Variants in MPPED1 observed in about 807,000 individuals in gnomAD.
MPPED1 encodes the protein metallophosphoesterase domain containing 1.
Under a neutral mutation model 36.2 loss-of-function variants are expected in MPPED1, and 16 were observed. That is an observed-to-expected ratio of 0.44 (90% CI 0.30 to 0.67). The LOEUF is 0.67. Ranked by LOEUF, MPPED1 falls within the 30% of genes least tolerant of loss-of-function variation. The pLI, the probability that MPPED1 is intolerant of heterozygous loss-of-function variation, is 0.10. For synonymous variants in MPPED1, 199 were observed against 191.3 expected, an observed-to-expected ratio of 1.04 and a Z score of -0.33; for missense variants, 307 against 453.4, an observed-to-expected ratio of 0.68 and a Z score of 2.93.
intron 1 of MPPED1, among the ~76,000 whole-genome samples, chr22:43,422,419 CG>C (rs910319257): frequency 1.3e-5 from 2 of 152,084 alleles, no homozygotes; most frequent in African/African-American, 4.8e-5. Flanking sequence ...AAGAGGCCAC[CG>C]GGGGCCGGCC....
At chr22:43,429,224 G>T (rs1929589024) in intron 2 of MPPED1, among the ~76,000 whole-genome samples, 1 of 152,168 alleles carries the variant, frequency 6.6e-6, no homozygotes, top group Non-Finnish European at 1.5e-5. Context: ...TTTGGAAGGT[G>T]AGTGTGGGGA....
chr22:43,500,325 G>A (rs1569091931), intron 5 of MPPED1, among the ~76,000 whole-genome samples: 75 of 136,520 alleles, frequency 5.5e-4, no homozygotes, highest in African/African-American at 1.8e-3. Flanking sequence ...GGTGGTGATG[G>A]TGGTGGTGGA....
intron 2 of MPPED1, among the ~76,000 whole-genome samples, chr22:43,431,736 C>CCAGCACATAATGAGCTCTTGATG (rs1167360354): frequency 1.3e-5 from 2 of 152,216 alleles, no homozygotes; most frequent in African/African-American, 4.8e-5. Flanking sequence ...TGTAACGTGC[C>CCAGCACATAATGAGCTCTTGATG]CAGCACATAA....
chr22:43,463,121 C>A (rs1313532153), intron 3 of MPPED1, among the ~76,000 whole-genome samples: 1 of 151,606 alleles, frequency 6.6e-6, no homozygotes, highest in Admixed American at 6.6e-5. Flanking sequence ...GTTGGGATTT[C>A]TCATCCTTTA....
intron 3 of MPPED1, among the ~76,000 whole-genome samples, chr22:43,458,918 G>C (rs911966212): frequency 3.2e-4 from 48 of 152,290 alleles, no homozygotes; most frequent in African/African-American, 1.1e-3. Flanking sequence ...TGTGTGATGA[G>C]TGATTGTCTG....
intron 4 of MPPED1, among the ~76,000 whole-genome samples, chr22:43,480,019 C>T (rs559367318): frequency 1.5e-4 from 23 of 152,234 alleles, no homozygotes; most frequent in Non-Finnish European, 2.1e-4. Context: ...TGTACCACCA[C>T]GCCCGGCTGA....
intron 3 of MPPED1, among the ~76,000 whole-genome samples, chr22:43,450,314 G>A (rs1309591169): frequency 6.6e-6 from 1 of 152,236 alleles, no homozygotes; most frequent in Non-Finnish European, 1.5e-5. Flanking sequence ...CTGCTGGGCA[G>A]CCCTGAGAAG....
At chr22:43,417,038 G>GA (rs1232096906) in intron 1 of MPPED1, 1 of 984,010 alleles carries the variant, frequency 1.0e-6, no homozygotes, top group Non-Finnish European at 1.2e-6. Context: ...TTCATATTCC[G>GA]AAATAAAAGT....
In MPPED1 at chr22:43,501,276, G is replaced by A. The variant is rs183725351; in HGVS notation, c.749-1368G>A. ...CTGACAGTGAGGCTCAGCAGCAAAGGCATCTTGTTCTCTTCCTTCTCTTTT... is the reference window on the plus strand; with the variant it reads ...CTGACAGTGAGGCTCAGCAGCAAAGACATCTTGTTCTCTTCCTTCTCTTTT... On this transcript the variant is annotated intron_variant, in intron 5 of 6. Transcript: ENST00000443721. 3.3e-5 allele frequency among the ~76,000 whole-genome samples: 5 copies of A among 152,294 alleles called. No homozygotes were observed. In the East Asian group the frequency reaches 9.6e-4, roughly 29 times the overall value.
chr22:43,433,629 G>A (rs917992796), intron 2 of MPPED1, among the ~76,000 whole-genome samples: 2 of 151,702 alleles, frequency 1.3e-5, no homozygotes, highest in Non-Finnish European at 2.9e-5. Flanking sequence ...CCGCGGCATC[G>A]TGGTGGGGAG....
chr22:43,484,860 C>T lies in MPPED1; in HGVS notation c.632+9899C>T, dbSNP rs563254930. ...GGGGCCCAAGGCAGCCAGCAGTGTC[C>T]ACCCAGAGTGATCCCACAGCCACCC... is the stretch of plus-strand genomic sequence containing the variant. On this transcript the variant is annotated intron_variant, in intron 4 of 6. Transcript: ENST00000443721. 2.4e-3 allele frequency among the ~76,000 whole-genome samples: 362 copies of T among 152,272 alleles called. 3 individuals carry two copies. The highest frequency in any genetic ancestry group is 8.1e-3 in the African/African-American group (337 of 41,544).
chr22:43,476,852 C>G (rs550042571), intron 4 of MPPED1, among the ~76,000 whole-genome samples: 1 of 152,026 alleles, frequency 6.6e-6, no homozygotes, highest in Admixed American at 6.6e-5. Flanking sequence ...TCTGCCTCAC[C>G]GGCCACTAGA....
At chr22:43,452,703 C>T (rs1355404578) in intron 3 of MPPED1, among the ~76,000 whole-genome samples, 1 of 152,138 alleles carries the variant, frequency 6.6e-6, no homozygotes, top group Non-Finnish European at 1.5e-5. Flanking sequence ...GATCACGGCT[C>T]ACTGAGCCTC....
intron 3 of MPPED1, among the ~76,000 whole-genome samples, chr22:43,472,468 C>T (rs771775931): frequency 4.6e-5 from 7 of 152,218 alleles, no homozygotes; most frequent in Admixed American, 2.6e-4. Flanking sequence ...CTAAGTCGTA[C>T]AGCGGGTTGG....
chr22:43,492,698 C>T (rs1418391692), intron 4 of MPPED1, among the ~76,000 whole-genome samples: 2 of 152,208 alleles, frequency 1.3e-5, no homozygotes, highest in East Asian at 3.8e-4. Context: ...TCTCCTGGAG[C>T]CTGCTCATGG....
chr22:43,419,042 C>T (rs995629453), intron 1 of MPPED1: 2 of 152,160 alleles, frequency 1.3e-5, no homozygotes, highest in African/African-American at 4.8e-5. Flanking sequence ...GTGCTAGGCC[C>T]TGGCAGGGGC....
chr22:43,504,614 C>T (rs545334711), intron 6 of MPPED1, among the ~76,000 whole-genome samples: 6 of 148,878 alleles, frequency 4.0e-5, no homozygotes, highest in East Asian at 4.0e-4. Flanking sequence ...ATGTTGGTGA[C>T]GTTGATGGCA....
At chr22:43,505,467 C>T (rs1278486013) in intron 6 of MPPED1, 31 bp from the exon 7 acceptor site, 1 of 1,571,378 alleles carries the variant, frequency 6.4e-7, no homozygotes, top group Non-Finnish European at 8.7e-7. Flanking sequence ...ACTCTGGCTG[C>T]TGGCCTGATG....
chr22:43,483,283 G>A (rs1931806339), intron 4 of MPPED1, among the ~76,000 whole-genome samples: 1 of 152,246 alleles, frequency 6.6e-6, no homozygotes, highest in Non-Finnish European at 1.5e-5. Context: ...GGGAGTGGAG[G>A]GCAGGGTGGC....
Sources: allele counts gnomAD v4.1 joint callset (sites outside exome capture counted in the v4.1 genomes callset), GRCh38; gene constraint gnomAD v4.1.1; transcripts MANE v1.5; gene names NCBI Gene and HGNC (gene_info 2026-07-23, HGNC 2026-07-21).